KCNMA1: variants seen among roughly 807,000 people sequenced by gnomAD.
KCNMA1 encodes potassium calcium-activated channel subfamily M alpha 1.
Under a neutral mutation model 140.0 loss-of-function variants are expected in KCNMA1, and 29 were observed. The observed-to-expected ratio is 0.21, with a 90% confidence interval of 0.15 to 0.28. KCNMA1 has a LOEUF of 0.28. Among genes scored for constraint, KCNMA1 ranks in the 10% least tolerant of loss-of-function variants. The probability of loss-of-function intolerance (pLI) is 1.00; values close to 1 mark genes in which losing one functional copy is unlikely to be tolerated. For missense variants in KCNMA1, 880 were observed against 1,602.2 expected (o/e 0.55, Z 7.70); for synonymous variants, 612 against 611.9 (o/e 1.00, Z 0.00).
At chr10:77,402,809 C>T (rs1167123231) in intron 2 of KCNMA1, among the ~76,000 whole-genome samples, 1 of 152,204 alleles carries the variant, frequency 6.6e-6, no homozygotes, top group Non-Finnish European at 1.5e-5. Context: ...TGTCCCTACT[C>T]CTTCCATCTA....
chr10:77,521,776 C>A (rs373320439), intron 1 of KCNMA1, among the ~76,000 whole-genome samples: 10 of 152,164 alleles, frequency 6.6e-5, no homozygotes, highest in Non-Finnish European at 1.5e-4. Flanking sequence ...ACCCCAGTTT[C>A]TCACCCCATC....
rs146519234 is a variant in KCNMA1, at chr10:77,030,955, A to G, written c.1860-3064T>C. 8.0e-4 allele frequency among the ~76,000 whole-genome samples: 122 copies of G among 152,382 alleles called. 3 individuals are homozygous for G. Among genetic ancestry groups the G allele is most frequent in the Middle Eastern group, 3.4e-3 (1 of 294 alleles). On this transcript the variant is annotated intron_variant, in intron 15 of 27. Transcript: ENST00000286628. ...ATAGAATGATGTGAACAGAGAGAAC[A>G]TAGGCAAGCCGTGCCACAACACAGA...
intron 19 of KCNMA1, among the ~76,000 whole-genome samples, chr10:76,991,150 C>T (rs1392790059): frequency 1.3e-5 from 2 of 152,324 alleles, no homozygotes; most frequent in East Asian, 3.9e-4. Flanking sequence ...CTCCTTTCCT[C>T]ACATGAGCCC....
chr10:77,288,081 A>G, intron 2 of KCNMA1, among the ~76,000 whole-genome samples: 1 of 152,204 alleles, frequency 6.6e-6, no homozygotes, highest in South Asian at 2.1e-4. Context: ...CCCCTCATAC[A>G]TGCATGGAAG....
chr10:77,033,190 G>C lies in KCNMA1; in HGVS notation c.1860-5299C>G, dbSNP rs558039477. On this transcript the variant is annotated intron_variant, in intron 15 of 27. Transcript: ENST00000286628. Reference sequence around the variant, plus strand: ...CAAGGTCTTCTGGATCGAGGGGCTGGAATGGAAAAGATTCACATTCAGGAG... The same window carrying C: ...CAAGGTCTTCTGGATCGAGGGGCTGCAATGGAAAAGATTCACATTCAGGAG... 3.7e-4 allele frequency among the ~76,000 whole-genome samples: 57 copies of C among 152,266 alleles called. 1 individual carries two copies. Among genetic ancestry groups the C allele is most frequent in the African/African-American group, 1.2e-3 (51 of 41,550 alleles).
At chr10:77,313,424 C>T (rs2079894520) in intron 2 of KCNMA1, among the ~76,000 whole-genome samples, 1 of 152,178 alleles carries the variant, frequency 6.6e-6, no homozygotes, top group South Asian at 2.1e-4. Context: ...GCCTTCACAG[C>T]ACTGCCAGTC....
At chr10:77,149,881 T>C (rs928779059) in intron 5 of KCNMA1, 1 of 152,202 alleles carries the variant, frequency 6.6e-6, no homozygotes, top group East Asian at 1.9e-4. Flanking sequence ...TTAGTGGTCA[T>C]GTGGCAGCAG....
intron 21 of KCNMA1, chr10:76,949,583 A>G (rs112160749): frequency 1.7e-6 from 1 of 591,738 alleles, no homozygotes; most frequent in Non-Finnish European, 3.0e-6. Context: ...ATCTGTCCAA[A>G]TGTATAGCCA....
At chr10:77,070,736 T>C (rs1300801831) in intron 14 of KCNMA1, among the ~76,000 whole-genome samples, 1 of 152,060 alleles carries the variant, frequency 6.6e-6, no homozygotes, top group Admixed American at 6.6e-5. Context: ...TGGGAGATAA[T>C]ACATAAAACA....
intron 19 of KCNMA1, among the ~76,000 whole-genome samples, chr10:76,982,833 A>T (rs979104136): frequency 5.3e-5 from 8 of 152,222 alleles, no homozygotes; most frequent in Non-Finnish European, 1.5e-5. Flanking sequence ...AGAAACACAC[A>T]TTCATGCATG....
chr10:77,364,042 A>C (rs2094176677), intron 2 of KCNMA1, among the ~76,000 whole-genome samples: 1 of 152,188 alleles, frequency 6.6e-6, no homozygotes, highest in Non-Finnish European at 1.5e-5. Context: ...GCAGATCCTC[A>C]ACAACCTTTG....
intron 23 of KCNMA1, among the ~76,000 whole-genome samples, chr10:76,935,492 C>G (rs765137078): frequency 2.0e-5 from 3 of 152,156 alleles, no homozygotes; most frequent in African/African-American, 7.2e-5. Flanking sequence ...GGGAAAGGTA[C>G]CTAATTCCCC....
chr10:76,936,346 AG>A (rs1371598327), intron 23 of KCNMA1, among the ~76,000 whole-genome samples: 2 of 152,250 alleles, frequency 1.3e-5, no homozygotes, highest in Non-Finnish European at 2.9e-5. Context: ...AACCAATAAA[AG>A]AAAATTATTG....
intron 23 of KCNMA1, among the ~76,000 whole-genome samples, chr10:76,925,610 G>A (rs1363653793): frequency 2.0e-5 from 3 of 152,132 alleles, no homozygotes; most frequent in Non-Finnish European, 4.4e-5. Flanking sequence ...TAGATTGACT[G>A]AAAATGTAAC....
chr10:77,218,484 A>C (rs75753533), intron 3 of KCNMA1, among the ~76,000 whole-genome samples: 9,060 of 152,030 alleles, frequency 0.06, 309 homozygotes, highest in South Asian at 0.083. Context: ...GGTCCCCACT[A>C]CTTCTTAAGC....
intron 14 of KCNMA1, among the ~76,000 whole-genome samples, chr10:77,044,772 G>A (rs1323843384): frequency 1.3e-5 from 2 of 152,254 alleles, no homozygotes; most frequent in South Asian, 2.1e-4. Context: ...TAAAACTGAG[G>A]CACAGAGAGG....
At chr10:76,959,671 T>C (rs1207497380) in intron 20 of KCNMA1, among the ~76,000 whole-genome samples, 4 of 152,178 alleles carry the variant, frequency 2.6e-5, no homozygotes, top group Non-Finnish European at 5.9e-5. Context: ...GGGAGAGCAG[T>C]TCAATAATAA....
chr10:77,041,726 G>A (rs2094707971), intron 14 of KCNMA1, among the ~76,000 whole-genome samples: 1 of 152,188 alleles, frequency 6.6e-6, no homozygotes, highest in Non-Finnish European at 1.5e-5. Flanking sequence ...TTTGGCTGCA[G>A]CCTCTCAGGC....
intron 1 of KCNMA1, among the ~76,000 whole-genome samples, chr10:77,594,105 C>T (rs1031641882): frequency 6.6e-6 from 1 of 152,088 alleles, no homozygotes; most frequent in African/African-American, 2.4e-5. Flanking sequence ...CCCAATTTTT[C>T]AACGCTAGTG....
Sources: gnomAD v4.1 joint callset for allele counts (sites outside exome capture counted in the v4.1 genomes callset) on GRCh38, gnomAD v4.1.1 for gene constraint, MANE v1.5 for transcripts, NCBI Gene and HGNC (gene_info 2026-07-23, HGNC 2026-07-21) for gene names.